TSHZ3: variants seen among roughly 807,000 people sequenced by gnomAD.
TSHZ3 encodes the protein teashirt zinc finger homeobox 3.
A neutral mutation model predicts 64.5 loss-of-function variants in TSHZ3; 10 were observed. That is an observed-to-expected ratio of 0.16 (90% CI 0.10 to 0.26). TSHZ3 has a LOEUF of 0.26. Among genes scored for constraint, TSHZ3 ranks in the 10% least tolerant of loss-of-function variants. The probability of loss-of-function intolerance (pLI) is 1.00; values close to 1 mark genes in which losing one functional copy is unlikely to be tolerated. For missense variants in TSHZ3, 1,242 were observed against 1,421.7 expected (o/e 0.87, Z 2.03); for synonymous variants, 608 against 593.1 (o/e 1.03, Z -0.36).
At chr19:31,197,196 C>G (rs991480288) in intron 5 of TSHZ3, among the ~76,000 whole-genome samples, 1 of 151,874 alleles carries the variant, frequency 6.6e-6, no homozygotes, top group Non-Finnish European at 1.5e-5. Context: ...AAACAATACA[C>G]TTCACAATAA....
At chr19:31,301,637 A>C (rs1356266283) in intron 1 of TSHZ3, among the ~76,000 whole-genome samples, 2 of 152,068 alleles carry the variant, frequency 1.3e-5, no homozygotes, top group African/African-American at 2.4e-5. Flanking sequence ...CGCAAGGTCC[A>C]CCCTCAGGCC....
chr19:31,327,655 G>A (rs1169308859), intron 1 of TSHZ3, among the ~76,000 whole-genome samples: 1 of 151,996 alleles, frequency 6.6e-6, no homozygotes, highest in Non-Finnish European at 1.5e-5. Context: ...CACAATACAC[G>A]TATACACGCA....
At chr19:31,185,967 A>G (rs1974802002) in intron 5 of TSHZ3, among the ~76,000 whole-genome samples, 1 of 152,108 alleles carries the variant, frequency 6.6e-6, no homozygotes, top group Non-Finnish European at 1.5e-5. Context: ...CACCCACCAC[A>G]ATGTTTCTGT....
chr19:31,268,236 T>C (rs151265731), intron 1 of TSHZ3, among the ~76,000 whole-genome samples: 2,183 of 152,280 alleles, frequency 0.014, 57 homozygotes, highest in African/African-American at 0.049. Flanking sequence ...ACCTCTTTCC[T>C]TCATAAATTA....
intron 1 of TSHZ3, among the ~76,000 whole-genome samples, chr19:31,243,463 C>T (rs1415049904): frequency 6.6e-6 from 1 of 152,198 alleles, no homozygotes; most frequent in Non-Finnish European, 1.5e-5. Flanking sequence ...TAGTCAGGGT[C>T]CCACTGTATC....
chr19:31,154,396 T>A (rs564686141), intron 6 of TSHZ3, among the ~76,000 whole-genome samples: 1 of 152,280 alleles, frequency 6.6e-6, no homozygotes, highest in African/African-American at 2.4e-5. Flanking sequence ...ATGACCAAGA[T>A]AGATATTATA....
chr19:31,341,214 G>A (rs575119911), intron 1 of TSHZ3, among the ~76,000 whole-genome samples: 1 of 152,274 alleles, frequency 6.6e-6, no homozygotes, highest in African/African-American at 2.4e-5. Context: ...AAAATTAAAT[G>A]GCAAGTTTCC....
intron 3 of TSHZ3, among the ~76,000 whole-genome samples, chr19:31,228,873 A>G (rs1219381247): frequency 6.6e-6 from 1 of 152,142 alleles, no homozygotes. Flanking sequence ...AGTGTTCTCA[A>G]AGGAGGGGCA....
chr19:31,163,719 G>A (rs1240947549), intron 5 of TSHZ3, among the ~76,000 whole-genome samples: 1 of 152,168 alleles, frequency 6.6e-6, no homozygotes, highest in East Asian at 1.9e-4. Flanking sequence ...TGACAGAATG[G>A]AACTGTGTCT....
intron 1 of TSHZ3, among the ~76,000 whole-genome samples, chr19:31,344,166 ATAAC>A (rs1362530667): frequency 1.3e-5 from 2 of 152,318 alleles, no homozygotes; most frequent in Admixed American, 6.5e-5. Context: ...AATTTAGAGC[ATAAC>A]TAAAACACAG....
downstream of TSHZ3, among the ~76,000 whole-genome samples, chr19:31,273,428 G>T (rs1171307590): frequency 6.6e-6 from 1 of 152,164 alleles, no homozygotes; most frequent in Non-Finnish European, 1.5e-5. Context: ...ATGATCCTGG[G>T]AGTGGGGTGA....
At position 31,161,246 on chromosome 19, in the gene TSHZ3, G is replaced by A. The variant is rs115800736; in HGVS notation, n.810-4829C>T. 9.8e-3 allele frequency among the ~76,000 whole-genome samples: 1,496 copies of A among 152,098 alleles called. 34 individuals carry two copies. The highest frequency in any genetic ancestry group is 0.034 in the African/African-American group (1,426 of 41,460). On this transcript the variant is annotated intron_variant and non_coding_transcript_variant, in intron 5 of 6. Transcript: ENST00000651361. ...GCCTAGATTCTGGATGCCTGATAGC[G>A]GTATGATTTCCTACAGTGTATTTAA... is the stretch of plus-strand genomic sequence containing the variant.
At chr19:31,227,415 A>T (rs966825797) in intron 4 of TSHZ3, among the ~76,000 whole-genome samples, 7 of 152,150 alleles carry the variant, frequency 4.6e-5, no homozygotes, top group African/African-American at 1.7e-4. Context: ...TTTGAGGAGG[A>T]AAAAAACCCT....
upstream of TSHZ3, among the ~76,000 whole-genome samples, chr19:31,350,297 C>T (rs1365592954): frequency 6.6e-6 from 1 of 151,074 alleles, no homozygotes; most frequent in East Asian, 2.0e-4. Context: ...GTAGCCACTT[C>T]CCCCAATTTT....
chr19:31,312,262 A>G (rs1916479171), intron 1 of TSHZ3, among the ~76,000 whole-genome samples: 1 of 152,262 alleles, frequency 6.6e-6, no homozygotes. Flanking sequence ...TAGGTCAGAG[A>G]AATAAGCACA....
intron 1 of TSHZ3, among the ~76,000 whole-genome samples, chr19:31,250,851 C>T (rs1021431761): frequency 6.6e-6 from 1 of 152,158 alleles, no homozygotes; most frequent in African/African-American, 2.4e-5. Flanking sequence ...GAATGGCTGC[C>T]CTGGCTAGGC....
chr19:31,304,313 ACT>A (rs35608519), intron 1 of TSHZ3, among the ~76,000 whole-genome samples: 7,464 of 151,994 alleles, frequency 0.049, 465 homozygotes, highest in African/African-American at 0.12. Context: ...ACAGTTGAGG[ACT>A]CTCAGAAACT....
chr19:31,233,370 C>T (rs1975565239), intron 3 of TSHZ3, among the ~76,000 whole-genome samples: 1 of 152,182 alleles, frequency 6.6e-6, no homozygotes, highest in African/African-American at 2.4e-5. Flanking sequence ...ATTTCATTCA[C>T]TCATTGGCCA....
intron 1 of TSHZ3, among the ~76,000 whole-genome samples, chr19:31,295,022 C>G (rs1204247185): frequency 9.2e-5 from 14 of 152,184 alleles, no homozygotes; most frequent in Admixed American, 9.2e-4. Context: ...ATACATAGCC[C>G]CTCAACAATA....
Sources: allele counts gnomAD v4.1 joint callset (sites outside exome capture counted in the v4.1 genomes callset), GRCh38; gene constraint gnomAD v4.1.1; transcripts MANE v1.5; gene names NCBI Gene and HGNC (gene_info 2026-07-23, HGNC 2026-07-21).